GRID2: variants seen among roughly 807,000 people sequenced by gnomAD.
GRID2 encodes glutamate ionotropic receptor delta type subunit 2, also known as glutamate receptor ionotropic, delta-2.
Under a neutral mutation model 114.8 loss-of-function variants are expected in GRID2, and 33 were observed. The ratio of observed to expected loss-of-function variants is 0.29; its 90% CI spans 0.22 to 0.38. The LOEUF (loss-of-function observed/expected upper bound fraction) is 0.38, where lower values mean the gene tolerates loss of function less well. Ranked by LOEUF, GRID2 falls within the 10% of genes least tolerant of loss-of-function variation. GRID2 has a pLI of 1.00. For missense variants in GRID2, 1,184 were observed against 1,257.7 expected, an observed-to-expected ratio of 0.94 and a Z score of 0.89; for synonymous variants, 505 against 449.9, an observed-to-expected ratio of 1.12 and a Z score of -1.55.
intron 4 of GRID2, among the ~76,000 whole-genome samples, chr4:93,185,607 A>G (rs565546122): frequency 9.8e-5 from 15 of 152,326 alleles, no homozygotes; most frequent in Non-Finnish European, 2.2e-4. Context: ...ATGGACTTTA[A>G]AACTGTAGAT....
chr4:92,449,458 AT>A (rs1367346961), intron 1 of GRID2, among the ~76,000 whole-genome samples: 2 of 151,438 alleles, frequency 1.3e-5, no homozygotes, highest in Non-Finnish European at 3.0e-5. Flanking sequence ...TGAGTTGAAA[AT>A]TTTTTTCCAT....
At chr4:92,874,265 G>A (rs191588694) in intron 2 of GRID2, among the ~76,000 whole-genome samples, 17 of 152,218 alleles carry the variant, frequency 1.1e-4, no homozygotes, top group African/African-American at 3.4e-4. Flanking sequence ...ATGTTGTAGC[G>A]TCTTCCAATT....
intron 13 of GRID2, among the ~76,000 whole-genome samples, chr4:93,516,955 A>G (rs1271405107): frequency 6.6e-6 from 1 of 152,036 alleles, no homozygotes; most frequent in Non-Finnish European, 1.5e-5. Context: ...TTGCAGAGAA[A>G]TTTCATTTTA....
intron 1 of GRID2, among the ~76,000 whole-genome samples, chr4:92,495,219 T>C (rs1018793291): frequency 3.3e-5 from 5 of 151,988 alleles, no homozygotes; most frequent in African/African-American, 1.2e-4. Context: ...GGAATACATT[T>C]CAAGCTCCCT....
At chr4:92,874,936 T>C (rs1186737560) in intron 2 of GRID2, among the ~76,000 whole-genome samples, 1 of 152,176 alleles carries the variant, frequency 6.6e-6, no homozygotes, top group Admixed American at 6.5e-5. Flanking sequence ...GTAATTAGTG[T>C]TTACAATCAT....
rs1383202557 is a variant in GRID2 at position 93,679,366 on chromosome 4, C to A, written c.2360+52931C>A. On this transcript the variant is annotated intron_variant, in intron 14 of 15. Coordinates refer to ENST00000282020, the MANE Select transcript of GRID2 (RefSeq NM_001510.4). ...ACCCCACTGTCAACATTAGACAGAT[C>A]AACGAGACAGAAAGTTAACAAGGAT... Among the ~76,000 whole-genome samples, 3 of 150,850 alleles carry A rather than the reference C, an allele frequency of 2.0e-5. 1 individual carries two copies. The highest frequency in any genetic ancestry group is 7.4e-5 in the African/African-American group (3 of 40,578).
At chr4:93,533,301 C>CTTTCCTTT (rs1427615144) in intron 13 of GRID2, among the ~76,000 whole-genome samples, 2 of 106,186 alleles carry the variant, frequency 1.9e-5, no homozygotes, top group Non-Finnish European at 4.2e-5. Flanking sequence ...TTCCTTCCTT[C>CTTTCCTTT]CTTCCTTCCT....
chr4:92,819,061 T>G (rs1322595119), intron 2 of GRID2, among the ~76,000 whole-genome samples: 2 of 152,116 alleles, frequency 1.3e-5, no homozygotes, highest in African/African-American at 4.8e-5. Context: ...TTTATTTCTG[T>G]CCTACACCAA....
At chr4:92,381,062 A>G (rs897783549) in intron 1 of GRID2, among the ~76,000 whole-genome samples, 1 of 152,020 alleles carries the variant, frequency 6.6e-6, no homozygotes, top group Non-Finnish European at 1.5e-5. Context: ...GTGTCATGCA[A>G]TCTTAAGCCT....
At chr4:93,550,025 A>G (rs1262105402) in intron 13 of GRID2, among the ~76,000 whole-genome samples, 1 of 152,194 alleles carries the variant, frequency 6.6e-6, no homozygotes, top group Non-Finnish European at 1.5e-5. Flanking sequence ...GAATATAATG[A>G]GGAAATGACT....
At chr4:93,313,048 C>G (rs890679907) in intron 8 of GRID2, among the ~76,000 whole-genome samples, 3 of 151,930 alleles carry the variant, frequency 2.0e-5, no homozygotes, top group Non-Finnish European at 4.4e-5. Flanking sequence ...TACACTATGG[C>G]TTATCATTTA....
Position 93,007,934 on chromosome 4 carries a change from A to G in GRID2, c.245-77061A>G, listed in dbSNP as rs186537560. 5.4e-3 allele frequency among the ~76,000 whole-genome samples: 813 copies of G among 151,126 alleles called. 10 individuals carry two copies. Among genetic ancestry groups the G allele is most frequent in the African/African-American group, 0.019 (774 of 41,130 alleles). ...TGGGCACCTATAATCCCAGCTACTCAGGAGACTGAGGCAGGAGAACTGCCC... is the reference window on the plus strand; with the variant it reads ...TGGGCACCTATAATCCCAGCTACTCGGGAGACTGAGGCAGGAGAACTGCCC... On this transcript the variant is annotated intron_variant, in intron 2 of 15. Transcript: ENST00000282020.
intron 8 of GRID2, among the ~76,000 whole-genome samples, chr4:93,298,616 AT>A: frequency 6.6e-6 from 1 of 152,312 alleles, no homozygotes; most frequent in South Asian, 2.1e-4. Context: ...TCTCACAAAG[AT>A]ATTCTCTCTA....
chr4:93,535,267 C>T (rs918092151), intron 13 of GRID2, among the ~76,000 whole-genome samples: 2 of 146,374 alleles, frequency 1.4e-5, no homozygotes, highest in African/African-American at 5.0e-5. Context: ...CACACACACA[C>T]ACACCACATT....
intron 13 of GRID2, among the ~76,000 whole-genome samples, chr4:93,550,357 G>T (rs1387565732): frequency 6.6e-6 from 1 of 152,138 alleles, no homozygotes; most frequent in African/African-American, 2.4e-5. Context: ...CTAAGGGAGA[G>T]ACTATAAAAG....
Position 92,441,147 on chromosome 4 carries a change from C to G in GRID2, c.88+136403C>G, listed in dbSNP as rs550191902. On this transcript the variant is annotated intron_variant, in intron 1 of 15. Transcript: ENST00000282020. ...CCTGGCTCTTGTGTAAGAATTCTGACCGCACTAACCATGCCTAGGAAGGAA... is the reference window on the plus strand; with the variant it reads ...CCTGGCTCTTGTGTAAGAATTCTGAGCGCACTAACCATGCCTAGGAAGGAA... Among the ~76,000 whole-genome samples, 651 of 151,964 alleles carry G rather than the reference C, an allele frequency of 4.3e-3. 3 individuals are homozygous for G. Among genetic ancestry groups the G allele is most frequent in the African/African-American group, 0.015 (614 of 41,432 alleles).
chr4:93,083,078 T>C (rs1730017791), intron 2 of GRID2, among the ~76,000 whole-genome samples: 1 of 152,158 alleles, frequency 6.6e-6, no homozygotes. Flanking sequence ...AATATTATAT[T>C]TACTTAATTT....
At position 93,515,423 on chromosome 4, in the gene GRID2, G is replaced by C. The variant is rs1483658632; in HGVS notation, c.2193+12G>C. 1.3e-6 allele frequency: 2 copies of C among 1,557,440 alleles called. No homozygotes were observed. Among genetic ancestry groups the C allele is most frequent in the Admixed American group, 1.7e-5 (1 of 59,548 alleles). ...CAGGCATTCAAAAGGTACTGTCCATGGTTCTCCTTTAATAGTCCTTACCAT... is the reference window on the plus strand; with the variant it reads ...CAGGCATTCAAAAGGTACTGTCCATCGTTCTCCTTTAATAGTCCTTACCAT... On this transcript the variant is annotated intron_variant, in intron 13 of 15. Transcript: ENST00000282020.
chr4:93,156,120 TA>T (rs1292246677), intron 4 of GRID2, among the ~76,000 whole-genome samples: 2 of 151,610 alleles, frequency 1.3e-5, no homozygotes, highest in African/African-American at 4.8e-5. Context: ...CCATAATAAT[TA>T]AAAATTTTAA....
Sources: allele counts gnomAD v4.1 joint callset (sites outside exome capture counted in the v4.1 genomes callset), GRCh38; gene constraint gnomAD v4.1.1; transcripts MANE v1.5; gene names NCBI Gene and HGNC (gene_info 2026-07-23, HGNC 2026-07-21).